Variants in CADM2 observed in about 807,000 individuals in gnomAD.
The protein encoded by CADM2 is immunoglobulin superfamily member 4D.
A neutral mutation model predicts 49.8 loss-of-function variants in CADM2; 12 were observed. The observed-to-expected ratio is 0.24, with a 90% confidence interval of 0.15 to 0.39. CADM2 has a LOEUF of 0.39. CADM2 is among the 10% of genes least tolerant of loss of function. The pLI is 1.00. For missense variants in CADM2, 378 were observed against 492.3 expected (o/e 0.77, Z 2.20); for synonymous variants, 214 against 175.4 (o/e 1.22, Z -1.74).
chr3:85,526,369 T>C (rs7427346), intron 1 of CADM2, among the ~76,000 whole-genome samples: 78,279 of 152,002 alleles, frequency 0.51, 23,132 homozygotes, highest in East Asian at 0.85. Context: ...GGAATTTAAA[T>C]CTCATGTGGC....
At chr3:85,473,836 C>A (rs2038867607) in intron 1 of CADM2, among the ~76,000 whole-genome samples, 1 of 152,008 alleles carries the variant, frequency 6.6e-6, no homozygotes, top group African/African-American at 2.4e-5. Flanking sequence ...GTGGCCCATG[C>A]CTGTACAACT....
intron 1 of CADM2, among the ~76,000 whole-genome samples, chr3:85,011,913 A>C (rs1414238714): frequency 1.3e-5 from 2 of 152,122 alleles, no homozygotes; most frequent in African/African-American, 4.8e-5. Context: ...TATGTATGAA[A>C]CCATGACATG....
intron 1 of CADM2, among the ~76,000 whole-genome samples, chr3:85,705,608 G>T (rs2107722390): frequency 6.6e-6 from 1 of 152,256 alleles, no homozygotes; most frequent in Non-Finnish European, 1.5e-5. Context: ...TATACATACA[G>T]GATTTGGCTC....
chr3:85,791,548 G>A (rs199958373), intron 2 of CADM2, among the ~76,000 whole-genome samples: 1,736 of 138,014 alleles, frequency 0.013, 54 homozygotes, highest in East Asian at 0.09. Flanking sequence ...GAGAGAAAGA[G>A]AGAGAGAGAG....
At chr3:85,313,892 A>AT (rs2044402530) in intron 1 of CADM2, among the ~76,000 whole-genome samples, 2 of 151,958 alleles carry the variant, frequency 1.3e-5, no homozygotes, top group South Asian at 4.1e-4. Context: ...GTATTATCTT[A>AT]TTTATTTATT....
At chr3:85,486,660 A>G (rs1184444530) in intron 1 of CADM2, among the ~76,000 whole-genome samples, 1 of 152,114 alleles carries the variant, frequency 6.6e-6, no homozygotes, top group East Asian at 1.9e-4. Flanking sequence ...TTCCCAACAG[A>G]TTTGATTATC....
At chr3:85,249,341 C>A (rs535503494) in intron 1 of CADM2, among the ~76,000 whole-genome samples, 1 of 152,144 alleles carries the variant, frequency 6.6e-6, no homozygotes, top group African/African-American at 2.4e-5. Flanking sequence ...AAGAAACTTA[C>A]TAACTAGTCC....
intron 1 of CADM2, among the ~76,000 whole-genome samples, chr3:85,402,663 T>A (rs924805796): frequency 6.6e-6 from 1 of 152,132 alleles, no homozygotes; most frequent in Non-Finnish European, 1.5e-5. Flanking sequence ...GCAATTTGAG[T>A]CTGGGAGGTC....
At chr3:85,637,621 A>AAATAAAACAAAATAAAATAAAATAAAAT (rs58472713) in intron 1 of CADM2, among the ~76,000 whole-genome samples, 1 of 114,528 alleles carries the variant, frequency 8.7e-6, no homozygotes, top group African/African-American at 3.8e-5. Context: ...AAAAAAAAAA[A>AAATAAAACAAAATAAAATAAAATAAAAT]AAAATAAAAT....
intron 1 of CADM2, among the ~76,000 whole-genome samples, chr3:85,183,032 T>G (rs747921603): frequency 1.3e-5 from 2 of 152,254 alleles, no homozygotes; most frequent in East Asian, 3.9e-4. Flanking sequence ...AAGATAGCTC[T>G]AAAAAGTATG....
intron 1 of CADM2, among the ~76,000 whole-genome samples, chr3:85,666,820 T>G (rs1032432211): frequency 1.3e-5 from 2 of 151,866 alleles, no homozygotes; most frequent in Non-Finnish European, 2.9e-5. Flanking sequence ...GAAAAATGGC[T>G]GGGGCAGGAG....
intron 2 of CADM2, among the ~76,000 whole-genome samples, chr3:85,744,557 A>T (rs1470037217): frequency 1.3e-5 from 2 of 152,138 alleles, no homozygotes; most frequent in African/African-American, 4.8e-5. Flanking sequence ...AAATAAGTAA[A>T]TGAAATACTC....
intron 1 of CADM2, among the ~76,000 whole-genome samples, chr3:85,368,734 TAC>T (rs1162969704): frequency 6.6e-6 from 1 of 152,112 alleles, no homozygotes; most frequent in African/African-American, 2.4e-5. Flanking sequence ...GGAAAAATAA[TAC>T]GTTTCTAACT....
intron 1 of CADM2, among the ~76,000 whole-genome samples, chr3:85,021,561 G>T (rs62250603): frequency 6.6e-6 from 1 of 152,116 alleles, no homozygotes; most frequent in African/African-American, 2.4e-5. Flanking sequence ...GATCACCTGA[G>T]GTCAGGTGTT....
chr3:85,442,581 T>C (rs1031915253), intron 1 of CADM2, among the ~76,000 whole-genome samples: 9 of 124,752 alleles, frequency 7.2e-5, no homozygotes, highest in Non-Finnish European at 9.9e-5. Context: ...ATAATGCTTA[T>C]ATATGAGTAT....
At chr3:85,381,293 T>C (rs569526908) in intron 1 of CADM2, among the ~76,000 whole-genome samples, 13,865 of 151,606 alleles carry the variant, frequency 0.091, 2,050 homozygotes, top group African/African-American at 0.31. Flanking sequence ...TGGTTAGGCA[T>C]TACATGTAAT....
intron 1 of CADM2, among the ~76,000 whole-genome samples, chr3:85,402,302 AT>A (rs935781875): frequency 2.0e-5 from 3 of 151,900 alleles, no homozygotes; most frequent in Non-Finnish European, 4.4e-5. Flanking sequence ...TAGTAGGTAG[AT>A]TTTTTTAAAT....
intron 1 of CADM2, among the ~76,000 whole-genome samples, chr3:85,487,171 A>AT (rs753080002): frequency 9.9e-5 from 15 of 152,054 alleles, no homozygotes; most frequent in Non-Finnish European, 1.8e-4. Context: ...AAGCATTCTG[A>AT]TTTTCCCTGT....
intron 1 of CADM2, among the ~76,000 whole-genome samples, chr3:85,569,312 A>G (rs2062407817): frequency 2.6e-5 from 4 of 151,548 alleles, no homozygotes; most frequent in Non-Finnish European, 5.9e-5. Flanking sequence ...CTGCTATTCC[A>G]TGGTAAGACT....
Sources: allele counts gnomAD v4.1 joint callset (sites outside exome capture counted in the v4.1 genomes callset), GRCh38; gene constraint gnomAD v4.1.1; transcripts MANE v1.5; gene names NCBI Gene and HGNC (gene_info 2026-07-23, HGNC 2026-07-21).